The following ADAMTS9 variants were observed in gnomAD, a reference collection of about 807,000 sequenced individuals.
The protein encoded by ADAMTS9 is ADAM metallopeptidase with thrombospondin type 1 motif 9, also known as A disintegrin and metalloproteinase with thrombospondin motifs 9.
ADAMTS9 carries 107 observed loss-of-function variants against 257.1 expected under a neutral mutation model. The observed-to-expected ratio is 0.42, with a 90% CI of 0.36 to 0.49. ADAMTS9 has a LOEUF of 0.49. Among genes scored for constraint, ADAMTS9 ranks in the 20% least tolerant of loss-of-function variants. The pLI is 0.03. For missense variants in ADAMTS9, 2,353 were observed against 2,469.1 expected, an observed-to-expected ratio of 0.95 and a Z score of 1.00; for synonymous variants, 982 against 880.9, an observed-to-expected ratio of 1.11 and a Z score of -2.03.
chr3:64,524,679 T>C (rs552251030), intron 38 of ADAMTS9, among the ~76,000 whole-genome samples: 2 of 152,358 alleles, frequency 1.3e-5, no homozygotes, highest in African/African-American at 4.8e-5. Flanking sequence ...GACATACAAA[T>C]ATACCATTGA....
chr3:64,538,492 C>G (rs1021813756), intron 37 of ADAMTS9, among the ~76,000 whole-genome samples: 1 of 150,574 alleles, frequency 6.6e-6, no homozygotes, highest in South Asian at 2.1e-4. Flanking sequence ...AAAAAAAAAA[C>G]CTTACCAATG....
At chr3:64,524,130 C>T (rs1294016829) in intron 38 of ADAMTS9, among the ~76,000 whole-genome samples, 1 of 152,190 alleles carries the variant, frequency 6.6e-6, no homozygotes, top group African/African-American at 2.4e-5. Flanking sequence ...CTATTACACA[C>T]AAATTTAAAG....
At position 64,540,090 on chromosome 3, in the gene ADAMTS9, A is replaced by G. The variant is rs930848669; in HGVS notation, c.5522-796T>C. Among the ~76,000 whole-genome samples the G allele has an allele frequency of 3.3e-5, 5 of 152,196 alleles. 1 individual carries two copies. The South Asian group carries it at 6.2e-4, about 19-fold the overall frequency. On this transcript the variant is annotated intron_variant, in intron 36 of 39. Coordinates refer to ENST00000498707, the MANE Select transcript of ADAMTS9 (RefSeq NM_182920.2). Reference sequence around the variant, plus strand: ...GTTCACTACACTTTGGTGAGAGGGAAATCCCAGTGCTCCATTCTGCAAGGA... The same window carrying G: ...GTTCACTACACTTTGGTGAGAGGGAGATCCCAGTGCTCCATTCTGCAAGGA...
chr3:64,644,718 A>T (rs956961679), intron 11 of ADAMTS9, among the ~76,000 whole-genome samples: 1 of 152,002 alleles, frequency 6.6e-6, no homozygotes, highest in African/African-American at 2.4e-5. Context: ...CTGGAAATAC[A>T]TTTTTTCCCT....
Position 64,515,817 on chromosome 3 carries a change from G to C in ADAMTS9, c.*1310C>G, listed in dbSNP as rs1347205160. 1 of 152,156 alleles carries C rather than the reference G, an allele frequency of 6.6e-6. No homozygotes were observed. The highest frequency in any genetic ancestry group is 1.5e-5 in the Non-Finnish European group (1 of 68,042). The allele number at this position is 152,156 out of a possible 1,614,324, so 9.4% of individuals were successfully genotyped here. On this transcript the variant is annotated 3_prime_UTR_variant, in exon 40 of 40. Coordinates refer to ENST00000498707, the MANE Select transcript of ADAMTS9 (RefSeq NM_182920.2). Reference sequence around the variant, plus strand: ...CTTTTCCTAATCTCTTTGGTCTTTGGAAGTGGGCAGGGTTTCTCAAACCAA... The same window carrying C: ...CTTTTCCTAATCTCTTTGGTCTTTGCAAGTGGGCAGGGTTTCTCAAACCAA...
intron 3 of ADAMTS9, among the ~76,000 whole-genome samples, chr3:64,666,146 A>G (rs1347268697): frequency 1.3e-5 from 2 of 152,180 alleles, no homozygotes; most frequent in Non-Finnish European, 2.9e-5. Context: ...ATTGGTAAAA[A>G]TGTTTTAAAT....
intron 30 of ADAMTS9, among the ~76,000 whole-genome samples, chr3:64,560,156 T>C (rs1287107640): frequency 5.9e-5 from 9 of 152,228 alleles, no homozygotes; most frequent in Non-Finnish European, 1.3e-4. Context: ...AGAATCCTTG[T>C]TCTAATTCCC....
At chr3:64,577,351 C>G (rs2083880920) in intron 28 of ADAMTS9, among the ~76,000 whole-genome samples, 1 of 152,156 alleles carries the variant, frequency 6.6e-6, no homozygotes, top group Admixed American at 6.5e-5. Flanking sequence ...TTTTCCCTTT[C>G]AAGGTTTACC....
chr3:64,667,979 G>C (rs72892832), intron 3 of ADAMTS9, among the ~76,000 whole-genome samples: 11,072 of 152,248 alleles, frequency 0.073, 1,313 homozygotes, highest in African/African-American at 0.25. Flanking sequence ...AGACTATTTA[G>C]TTTTGCTATT....
chr3:64,631,559 A>G lies in ADAMTS9; in HGVS notation c.2294-9T>C, dbSNP rs1202855676. ...GACCACAGTATTGTAACCTGAAAAG[A>G]ATTTAGCAGAAATTCAGTACTCCAC... is the stretch of plus-strand genomic sequence containing the variant. On this transcript the variant is annotated splice_polypyrimidine_tract_variant and intron_variant, in intron 15 of 39. Transcript: ENST00000498707. 5 of 1,609,126 alleles carry G rather than the reference A, an allele frequency of 3.1e-6. No homozygotes were observed. Among genetic ancestry groups the G allele is most frequent in the South Asian group, 1.1e-5 (1 of 90,980 alleles).
At chr3:64,667,368 T>A (rs577932368) in intron 3 of ADAMTS9, among the ~76,000 whole-genome samples, 1 of 152,308 alleles carries the variant, frequency 6.6e-6, no homozygotes, top group South Asian at 2.1e-4. Context: ...TTGCCAAACT[T>A]ACGGGATCTT....
At chr3:64,575,215 A>G (rs1295276181) in intron 28 of ADAMTS9, among the ~76,000 whole-genome samples, 10 of 152,224 alleles carry the variant, frequency 6.6e-5, no homozygotes, top group African/African-American at 1.4e-4. Flanking sequence ...GCAATTCACC[A>G]AGGAAAAATC....
chr3:64,542,017 G>A (rs751790918), intron 32 of ADAMTS9, 47 bp from the exon 33 acceptor site: 1 of 1,611,092 alleles, frequency 6.2e-7, no homozygotes, highest in South Asian at 1.1e-5. Flanking sequence ...AATGTGGGAG[G>A]CATAGGCTTC....
Position 64,687,318 on chromosome 3 carries a change from T to A in ADAMTS9, c.115+225A>T, listed in dbSNP as rs949147162. 2.0e-5 allele frequency among the ~76,000 whole-genome samples: 3 copies of A among 152,254 alleles called. No homozygotes were observed. In the East Asian group the frequency reaches 5.8e-4, roughly 29 times the overall value. ...GCGTGGGAGTGGGGATGGGGATATA[T>A]CTGGCAACAGCAAGGTAGGGGGGGG... is the stretch of plus-strand genomic sequence containing the variant. On this transcript the variant is annotated intron_variant, in intron 1 of 39. Coordinates refer to ENST00000498707, the MANE Select transcript of ADAMTS9 (RefSeq NM_182920.2). This position sits in a 1 kb window ranked among gnomAD's most constrained non-coding sequence, Gnocchi z 4.4.
At chr3:64,563,948 CT>C (rs926493552) in intron 29 of ADAMTS9, among the ~76,000 whole-genome samples, 1 of 152,230 alleles carries the variant, frequency 6.6e-6, no homozygotes, top group Non-Finnish European at 1.5e-5. Context: ...GCCAGCCAGG[CT>C]TGCTTGGAAT....
intron 28 of ADAMTS9, among the ~76,000 whole-genome samples, chr3:64,591,963 T>C (rs565049842): frequency 6.6e-6 from 1 of 152,318 alleles, no homozygotes; most frequent in South Asian, 2.1e-4. Context: ...ACCATGGAAG[T>C]GGCTTTATGG....
chr3:64,678,188 C>T (rs1261612084), intron 3 of ADAMTS9, among the ~76,000 whole-genome samples: 2 of 152,172 alleles, frequency 1.3e-5, no homozygotes, highest in East Asian at 3.9e-4. Flanking sequence ...GGATATCACT[C>T]CTGGGAGGAA....
rs1298891228 is a variant in ADAMTS9, at chr3:64,568,393, T to A, written c.4499A>T (p.Lys1500Ile). 1 of 1,610,898 alleles carries A rather than the reference T, an allele frequency of 6.2e-7. No homozygotes were observed. Among genetic ancestry groups the A allele is most frequent in the Admixed American group, 1.7e-5 (1 of 58,898 alleles). Residue 1500 changes from lysine (K) to isoleucine (I), a missense_variant, in exon 29 of 40, where the codon AAA becomes ATA. Transcript: ENST00000498707. ...HRKCRGGRCP[K>I]WKAGAWSQCS... is the part of the protein sequence containing the mutation. ...CTGACTCCAAGCGCCAGCTTTCCAT[T>A]TGGGGCATCTTCCTCCTCGGCACTT...
chr3:64,620,641 A>G (rs996569513), intron 19 of ADAMTS9, among the ~76,000 whole-genome samples: 1 of 151,722 alleles, frequency 6.6e-6, no homozygotes, highest in Non-Finnish European at 1.5e-5. Flanking sequence ...CCATATATAC[A>G]TTTTCTTCTT....
Sources: gnomAD v4.1 joint callset for allele counts (sites outside exome capture counted in the v4.1 genomes callset) on GRCh38, gnomAD v4.1.1 for gene constraint, Gnocchi (gnomAD v3.1) non-coding constraint, MANE v1.5 for transcripts, NCBI Gene and HGNC (gene_info 2026-07-23, HGNC 2026-07-21) for gene names.